The following ENTPD4 variants were observed in gnomAD, a reference collection of about 807,000 sequenced individuals.
ENTPD4 encodes the protein ectonucleoside triphosphate diphosphohydrolase 4.
Under a neutral mutation model 79.1 loss-of-function variants are expected in ENTPD4, and 60 were observed. That is an observed-to-expected ratio of 0.76 (90% CI 0.62 to 0.94). The LOEUF is 0.94. Among genes scored for constraint, ENTPD4 ranks in the 40% least tolerant of loss-of-function variants. ENTPD4 has a pLI of 0.00. For missense variants in ENTPD4, 772 were observed against 775.1 expected, an observed-to-expected ratio of 1.00 and a Z score of 0.05; for synonymous variants, 276 against 292.0, an observed-to-expected ratio of 0.95 and a Z score of 0.56.
In ENTPD4 at chr8:23,429,627, T is replaced by G. The variant is rs1482461014; in HGVS notation, c.*3299A>C. On this transcript the variant is annotated 3_prime_UTR_variant, in exon 13 of 13. Transcript: ENST00000358689. ...AAAACTACTCTGTGTAGGCCTGAGT[T>G]TAAAATGTAAATATCTGTTTATCCA... The G allele has an allele frequency of 2.0e-6, 2 of 985,356 alleles. No individual in the cohort carries two copies. Among genetic ancestry groups the G allele is most frequent in the Non-Finnish European group, 2.4e-6 (2 of 829,902 alleles). The allele number at this position is 985,356 out of a possible 1,614,324, so 61.0% of individuals were successfully genotyped here. A position where few individuals can be genotyped will look rare whatever the true frequency, so the allele number is the denominator to read the frequency against.
chr8:23,431,526 T>C lies in ENTPD4; in HGVS notation c.*1400A>G, dbSNP rs17089242. 69,949 of 985,372 alleles carry C rather than the reference T, an allele frequency of 0.071. 3,226 individuals are homozygous for C. Among genetic ancestry groups the C allele is most frequent in the East Asian group, 0.28 (2,437 of 8,810 alleles). The allele number at this position is 985,372 out of a possible 1,614,324, so 61.0% of individuals were successfully genotyped here. ...TGGCTTAAATTGTCGAATTTTTTCC[T>C]TCAAAATGTGAATTTATTTCCTGTA... On this transcript the variant is annotated 3_prime_UTR_variant, in exon 13 of 13. Transcript: ENST00000358689.
intron 10 of ENTPD4, among the ~76,000 whole-genome samples, chr8:23,436,204 G>A (rs1800557107): frequency 6.6e-6 from 1 of 152,236 alleles, no homozygotes; most frequent in African/African-American, 2.4e-5. Flanking sequence ...ACAGCATACA[G>A]TGCTCTGCGC....
At chr8:23,443,765 G>A in intron 6 of ENTPD4, 85 bp downstream of exon 6, 2 of 754,166 alleles carry the variant, frequency 2.7e-6, no homozygotes, top group Non-Finnish European at 4.7e-6. Context: ...GACAATAGGA[G>A]TATAACAAAG....
At chr8:23,434,254 A>G in intron 12 of ENTPD4, 63 bp downstream of exon 12, 1 of 1,585,752 alleles carries the variant, frequency 6.3e-7, no homozygotes, top group Non-Finnish European at 8.6e-7. Context: ...CACAGCTGCC[A>G]TGAGGTGCTG....
Position 23,444,589 on chromosome 8 carries a change from T to C in ENTPD4, c.430A>G (p.Thr144Ala), listed in dbSNP as rs981403093. The C allele has an allele frequency of 1.9e-6, 3 of 1,614,076 alleles. No individual in the cohort carries two copies. Among genetic ancestry groups the C allele is most frequent in the South Asian group, 1.1e-5 (1 of 91,086 alleles). The change falls in exon 5 of 13, where the codon ACC (threonine) becomes GCC (alanine). Residue 144 changes from threonine to alanine, a missense_variant. Transcript: ENST00000358689. ...TAATCACTGACTTTCTCTGGAGAGG[T>C]AGCAAATTCTGAAATGCCTAGAGAA... ...KIKPGISEFA[T>A]SPEKVSDYIS...
rs1244526348 is a variant in ENTPD4, at chr8:23,448,895, A to G, written c.53T>C (p.Ile18Thr). Residue 18 changes from isoleucine to threonine, a missense_variant, in exon 3 of 13, where the codon ATA becomes ACA. Coordinates refer to ENST00000358689, the MANE Select transcript of ENTPD4 (RefSeq NM_004901.5). ...CLFPASWHFS[I>T]SPVGCPRILN... Reference sequence around the variant, plus strand: ...AATTCGAGGACACCCTACTGGAGATATGCTAAAATGCCAAGAAGCAGGAAA... The same window carrying G: ...AATTCGAGGACACCCTACTGGAGATGTGCTAAAATGCCAAGAAGCAGGAAA... The G allele has an allele frequency of 1.2e-5, 19 of 1,614,034 alleles. No homozygotes were observed. The highest frequency in any genetic ancestry group is 1.5e-5 in the Non-Finnish European group (18 of 1,180,004).
chr8:23,445,006 G>A (rs1453817013), intron 4 of ENTPD4, among the ~76,000 whole-genome samples: 1 of 152,106 alleles, frequency 6.6e-6, no homozygotes, highest in African/African-American at 2.4e-5. Flanking sequence ...TGAGCGTGGG[G>A]TAACTGTCCA....
chr8:23,441,911 GA>G (rs2117289091), intron 7 of ENTPD4, 95 bp downstream of exon 7: 2 of 1,206,780 alleles, frequency 1.7e-6, no homozygotes, highest in East Asian at 4.7e-5. Context: ...ACACGCTTAG[GA>G]GTGTCACAAA....
rs1800636775 is a variant in ENTPD4 at position 23,439,859 on chromosome 8, T to C, written c.939A>G (p.Gln313=). ...CATAGACTCGATACACATGCTCAGT[T>C]TGGTGAACATCACATCCCAAGTTAA... is the stretch of plus-strand genomic sequence containing the variant. The part of the protein sequence containing the change: ...AEFNLGCDVH[Q]TEHVYRVYVA... The change falls in exon 9 of 13, where the codon CAA becomes CAG. Residue 313 remains glutamine, a synonymous_variant. Coordinates refer to ENST00000358689, the MANE Select transcript of ENTPD4 (RefSeq NM_004901.5). The C allele has an allele frequency of 6.2e-7, 1 of 1,614,000 alleles. No individual in the cohort carries two copies. Among genetic ancestry groups the C allele is most frequent in the African/African-American group, 1.3e-5 (1 of 74,932 alleles).
Position 23,443,917 on chromosome 8 carries a change from A to G in ENTPD4, c.600T>C (p.Asp200=), listed in dbSNP as rs1278860127. ...QKAILEDLLT[D]IPVHFDFLFS... ...ACAGAAAGTCAAAGTGCACGGGGAT[A>G]TCGGTCAGAAGGTCTTCCAGAATAG... The change falls in exon 6 of 13, where the codon GAT becomes GAC. Residue 200 remains aspartate, a synonymous_variant. Transcript: ENST00000358689. 5 of 1,613,752 alleles carry G rather than the reference A, an allele frequency of 3.1e-6. No individual in the cohort carries two copies. The highest frequency in any genetic ancestry group is 2.2e-5 in the East Asian group (1 of 44,866).
Position 23,432,529 on chromosome 8 carries a change from C to T in ENTPD4, c.*397G>A, listed in dbSNP as rs1276173539. On this transcript the variant is annotated 3_prime_UTR_variant, in exon 13 of 13. Transcript: ENST00000358689. ...ATTTTTTTTTTTTGAGACGGAGTCTCACTCTGTCGCCCAGGCTGGAGTGCA... is the reference window on the plus strand; with the variant it reads ...ATTTTTTTTTTTTGAGACGGAGTCTTACTCTGTCGCCCAGGCTGGAGTGCA... 7.3e-6 allele frequency: 7 copies of T among 964,012 alleles called. No homozygotes were observed. In the African/African-American group the frequency reaches 1.1e-4, roughly 15 times the overall value. 59.7% of individuals were successfully genotyped at this position (964,012 alleles called of 1,614,324 possible). A position where few individuals can be genotyped will look rare whatever the true frequency, so the allele number is the denominator to read the frequency against.
intron 4 of ENTPD4, among the ~76,000 whole-genome samples, chr8:23,445,372 T>C (rs532712930): frequency 6.6e-6 from 1 of 152,320 alleles, no homozygotes; most frequent in African/African-American, 2.4e-5. Context: ...AATTCTTTTG[T>C]GGCTCAATGT....
At chr8:23,451,672 C>G (rs759560709) in intron 1 of ENTPD4, among the ~76,000 whole-genome samples, 11 of 152,212 alleles carry the variant, frequency 7.2e-5, no homozygotes, top group Non-Finnish European at 1.5e-4. Flanking sequence ...CTTTACACTG[C>G]ATTCCAGCCA....
At position 23,435,489 on chromosome 8, in the gene ENTPD4, T is replaced by G; in HGVS notation, c.1375-12A>C. On this transcript the variant is annotated splice_polypyrimidine_tract_variant and intron_variant, in intron 10 of 12. Transcript: ENST00000358689. ...GTTGCACAATAATCCTGAAAACAAA[T>G]TCACCAAAATAGATCACTAGTAAAG... 6.2e-7 allele frequency: 1 copy of G among 1,602,254 alleles called. No homozygotes were observed. Among genetic ancestry groups the G allele is most frequent in the Non-Finnish European group, 8.6e-7 (1 of 1,169,464 alleles).
chr8:23,435,991 T>G (rs1800550147), intron 10 of ENTPD4, among the ~76,000 whole-genome samples: 1 of 152,178 alleles, frequency 6.6e-6, no homozygotes, highest in South Asian at 2.1e-4. Context: ...ACTTAACTCC[T>G]CGAGGTGGCT....
At chr8:23,445,136 G>T (rs974791825) in intron 4 of ENTPD4, among the ~76,000 whole-genome samples, 1 of 152,108 alleles carries the variant, frequency 6.6e-6, no homozygotes, top group Non-Finnish European at 1.5e-5. Context: ...GGCCATCAGC[G>T]CTGGGCACCC....
chr8:23,435,292 GAGA>G (rs1472949637), intron 11 of ENTPD4, 97 bp downstream of exon 11: 9 of 736,534 alleles, frequency 1.2e-5, no homozygotes, highest in East Asian at 2.7e-5. Context: ...AACAGTGAGT[GAGA>G]AGAAGCTGGA....
chr8:23,449,549 T>A, intron 2 of ENTPD4, among the ~76,000 whole-genome samples: 1 of 152,154 alleles, frequency 6.6e-6, no homozygotes, highest in East Asian at 1.9e-4. Context: ...TCCTGTACTT[T>A]TAGAAATATT....
At chr8:23,449,274 T>C (rs146247117) in intron 2 of ENTPD4, among the ~76,000 whole-genome samples, 2 of 152,132 alleles carry the variant, frequency 1.3e-5, no homozygotes, top group Non-Finnish European at 2.9e-5. Context: ...AACATAAATA[T>C]ATAAATCGAT....
Sources: allele counts gnomAD v4.1 joint callset (sites outside exome capture counted in the v4.1 genomes callset), GRCh38; gene constraint gnomAD v4.1.1; transcripts MANE v1.5; gene names NCBI Gene and HGNC (gene_info 2026-07-23, HGNC 2026-07-21).